Variants in PKHD1L1 observed in about 807,000 individuals in gnomAD.
PKHD1L1 encodes the protein PKHD1 like 1.
A neutral mutation model predicts 462.9 loss-of-function variants in PKHD1L1; 434 were observed. The observed-to-expected ratio is 0.94, with a 90% CI of 0.87 to 1.02. PKHD1L1 has a LOEUF of 1.02. Ranked by LOEUF, PKHD1L1 falls within the 50% of genes least tolerant of loss-of-function variation. The probability of loss-of-function intolerance (pLI) is 0.00; values close to 1 mark genes in which losing one functional copy is unlikely to be tolerated. For missense variants in PKHD1L1, 5,202 were observed against 5,096.1 expected (o/e 1.02, Z -0.63); for synonymous variants, 1,781 against 1,750.0 (o/e 1.02, Z -0.44).
chr8:109,442,287 C>T, intron 35 of PKHD1L1, 92 bp downstream of exon 35: 1 of 1,223,084 alleles, frequency 8.2e-7, no homozygotes, highest in South Asian at 1.7e-5. Context: ...AGTATTTTTA[C>T]ATAAATAATA....
intron 34 of PKHD1L1, among the ~76,000 whole-genome samples, 185 bp from the exon 35 acceptor site, chr8:109,441,822 T>G (rs1815809762): frequency 6.6e-6 from 1 of 152,164 alleles, no homozygotes; most frequent in Admixed American, 6.6e-5. Context: ...TCTTATCTTC[T>G]TATTACCTTG....
At chr8:109,500,997 A>G (rs995588483) in intron 67 of PKHD1L1, among the ~76,000 whole-genome samples, 1 of 152,208 alleles carries the variant, frequency 6.6e-6, no homozygotes, top group Non-Finnish European at 1.5e-5. Context: ...CCAGACTCAT[A>G]GAACCTAAAA....
At chr8:109,389,609 C>G (rs769841110) in intron 8 of PKHD1L1, among the ~76,000 whole-genome samples, 1 of 151,408 alleles carries the variant, frequency 6.6e-6, no homozygotes, top group Non-Finnish European at 1.5e-5. Context: ...CTTACTGCAA[C>G]CTCTGCCTCC....
At chr8:109,462,634 A>G (rs979675754) in intron 48 of PKHD1L1, among the ~76,000 whole-genome samples, 22 of 152,138 alleles carry the variant, frequency 1.4e-4, no homozygotes, top group Non-Finnish European at 2.9e-5. Flanking sequence ...TTCCACCTCC[A>G]GGGTTCAAGC....
At position 109,461,822 on chromosome 8, in the gene PKHD1L1, G is replaced by A. The variant is rs1817149122; in HGVS notation, c.7297G>A (p.Gly2433Arg). The A allele has an allele frequency of 6.2e-7, 1 of 1,608,912 alleles. No individual in the cohort carries two copies. The highest frequency in any genetic ancestry group is 8.5e-7 in the Non-Finnish European group (1 of 1,177,582). ...CLQGKFGEEI[G>R]SDQFGGCVMF... ...CCAAGGAAAGTTTGGAGAAGAAATA[G>A]GAAGTGACCAATTTGGAGGCTGCGT... The change falls in exon 48 of 78, where the codon GGA becomes AGA. Residue 2433 changes from glycine to arginine, a missense_variant. By Grantham distance (125) the Gly-to-Arg change is moderately radical. Transcript: ENST00000378402.
chr8:109,420,550 A>G lies in PKHD1L1; in HGVS notation c.2557A>G (p.Asn853Asp). ...CAAGAGAAGACTTCCTGCATTAGCA[A>G]ATAAAGGAATATTCTTAGAGCACTT... ...MPKRRLPALA[N>D]KGIFLEHFQV... The change falls in exon 23 of 78, where the codon AAT becomes GAT. Residue 853 changes from asparagine to aspartate, a missense_variant. By Grantham distance (23) the Asn-to-Asp change is conservative. Coordinates refer to ENST00000378402, the MANE Select transcript of PKHD1L1 (RefSeq NM_177531.6). 1.2e-6 allele frequency: 2 copies of G among 1,601,680 alleles called. No individual in the cohort carries two copies. The highest frequency in any genetic ancestry group is 1.7e-6 in the Non-Finnish European group (2 of 1,175,518).
At position 109,510,778 on chromosome 8, in the gene PKHD1L1, C is replaced by G. The variant is rs766012897; in HGVS notation, c.11397C>G (p.Gly3799=). Residue 3799 remains glycine, a splice_region_variant and synonymous_variant, in exon 71 of 78, where the codon GGC becomes GGG. Coordinates refer to ENST00000378402, the MANE Select transcript of PKHD1L1 (RefSeq NM_177531.6). ...CACTTTCATTTTGCATGGATTTAGG[C>G]CCACAGGATCATGGCTGGTGTGCTG... ...MGNGYVDLIN[G]PQDHGWCAGY... The G allele has an allele frequency of 3.7e-6, 6 of 1,611,716 alleles. No homozygotes were observed. In the Admixed American group the frequency reaches 1.0e-4, roughly 27 times the overall value.
intron 2 of PKHD1L1, among the ~76,000 whole-genome samples, chr8:109,376,099 G>T (rs1050332185): frequency 2.0e-5 from 3 of 152,248 alleles, no homozygotes; most frequent in African/African-American, 7.2e-5. Flanking sequence ...GCCCCCAAAG[G>T]TGGAGCCTAC....
chr8:109,398,667 C>A, intron 12 of PKHD1L1, 119 bp downstream of exon 12: 1 of 428,652 alleles, frequency 2.3e-6, no homozygotes, highest in Non-Finnish European at 3.9e-6. Context: ...TAAGAAATTT[C>A]CTCCAAGTTT....
At chr8:109,508,742 C>T (rs912934185) in intron 70 of PKHD1L1, among the ~76,000 whole-genome samples, 1 of 152,092 alleles carries the variant, frequency 6.6e-6, no homozygotes, top group Non-Finnish European at 1.5e-5. Flanking sequence ...ATCTTGCTAT[C>T]AACATGTTTT....
rs1821162494 is a variant in PKHD1L1 at position 109,537,165 on chromosome 8, A to G, written c.*7075A>G. The stretch of plus-strand genomic sequence containing the variant: ...ATGTGACTTTATGATCTTGTATTCA[A>G]CTGTGAACAGCTGCTCATTAATAAA... On this transcript the variant is annotated 3_prime_UTR_variant, in exon 78 of 78. Coordinates refer to ENST00000378402, the MANE Select transcript of PKHD1L1 (RefSeq NM_177531.6). Among the ~76,000 whole-genome samples, 1 of 152,226 alleles carries G rather than the reference A, an allele frequency of 6.6e-6. No individual in the cohort carries two copies. Among genetic ancestry groups the G allele is most frequent in the South Asian group, 2.1e-4 (1 of 4,824 alleles).
At chr8:109,392,864 C>T (rs979984732) in intron 9 of PKHD1L1, among the ~76,000 whole-genome samples, 2 of 152,128 alleles carry the variant, frequency 1.3e-5, no homozygotes, top group African/African-American at 2.4e-5. Context: ...CCAACCTTCT[C>T]TCCTCTATTA....
chr8:109,424,022 C>T (rs1482702251), intron 23 of PKHD1L1, among the ~76,000 whole-genome samples: 1 of 152,050 alleles, frequency 6.6e-6, no homozygotes, highest in Non-Finnish European at 1.5e-5. Context: ...CTGAATTCAA[C>T]ACATTTTTAC....
Position 109,445,038 on chromosome 8 carries a change from T to G in PKHD1L1, c.5169T>G (p.Asp1723Glu). Reference sequence around the variant, plus strand: ...CCCCTGCTGCCCAACAGCTTGTGGATGTAGATCTTCTAATACATGGAGTGC... The same window carrying G: ...CCCCTGCTGCCCAACAGCTTGTGGAGGTAGATCTTCTAATACATGGAGTGC... ...ETSPAAQQLV[D>E]VDLLIHGVPA... The change falls in exon 38 of 78, where the codon GAT (aspartate) becomes GAG (glutamate). Residue 1723 changes from aspartate to glutamate, a missense_variant. This residue lies in a region of PKHD1L1 where 4,497 missense variants were observed against 4,336.8 expected (regional missense o/e 1.04). Transcript: ENST00000378402. 6.2e-7 allele frequency: 1 copy of G among 1,613,996 alleles called. No individual in the cohort carries two copies. The highest frequency in any genetic ancestry group is 2.2e-5 in the East Asian group (1 of 44,882).
intron 1 of PKHD1L1, among the ~76,000 whole-genome samples, chr8:109,364,173 C>T (rs1404068496): frequency 6.6e-6 from 1 of 152,192 alleles, no homozygotes; most frequent in Non-Finnish European, 1.5e-5. Context: ...TGACCTATTT[C>T]TTCTTGGTGT....
chr8:109,367,386 G>A (rs10099126), intron 2 of PKHD1L1, among the ~76,000 whole-genome samples: 84,807 of 152,092 alleles, frequency 0.56, 23,799 homozygotes, highest in South Asian at 0.64. Flanking sequence ...ATTACTTTTT[G>A]AAATGTTTTA....
At chr8:109,417,319 T>C (rs1352531298) in intron 21 of PKHD1L1, among the ~76,000 whole-genome samples, 2 of 152,120 alleles carry the variant, frequency 1.3e-5, no homozygotes, top group African/African-American at 4.8e-5. Flanking sequence ...CCCACAAATA[T>C]ATACACCTAA....
intron 21 of PKHD1L1, among the ~76,000 whole-genome samples, chr8:109,413,839 A>G (rs1813989329): frequency 6.6e-6 from 1 of 152,176 alleles, no homozygotes; most frequent in South Asian, 2.1e-4. Context: ...TAAATTATGT[A>G]TTACTAAATC....
rs149284269 is a variant in PKHD1L1 at position 109,461,845 on chromosome 8, C to T, written c.7320C>T (p.Cys2440=). ...EEIGSDQFGG[C]VMFHAPVPGA... is the part of the protein sequence containing the mutation. ...TAGGAAGTGACCAATTTGGAGGCTG[C>T]GTTATGTTTCATGCTCCTGTACCTG... is the stretch of plus-strand genomic sequence containing the variant. Residue 2440 remains cysteine (C), a synonymous_variant, in exon 48 of 78, where the codon TGC becomes TGT. Transcript: ENST00000378402. The T allele has an allele frequency of 4.5e-5, 73 of 1,606,236 alleles. No homozygotes were observed. In the East Asian group the frequency reaches 6.3e-4, roughly 14 times the overall value.
Sources: gnomAD v4.1 joint callset for allele counts (sites outside exome capture counted in the v4.1 genomes callset) on GRCh38, gnomAD v4.1.1 for gene constraint, gnomAD v4.1.1 regional missense constraint, MANE v1.5 for transcripts, NCBI Gene and HGNC (gene_info 2026-07-23, HGNC 2026-07-21) for gene names.